Variants in SLC9A7 observed in about 807,000 individuals in gnomAD.
SLC9A7 encodes the protein solute carrier family 9 member A7.
In SLC9A7, 19 loss-of-function variants were observed where a neutral mutation model predicts 52.6. The observed-to-expected ratio is 0.36, with a 90% CI of 0.25 to 0.53. The LOEUF is 0.53. Ranked by LOEUF, SLC9A7 falls within the 20% of genes least tolerant of loss-of-function variation. The pLI is 0.91. For missense variants in SLC9A7, 455 were observed against 597.9 expected, an observed-to-expected ratio of 0.76 and a Z score of 2.49; for synonymous variants, 226 against 252.1, an observed-to-expected ratio of 0.90 and a Z score of 0.98.
rs1943811073 is a variant in SLC9A7 at position 46,661,136 on chromosome X, G to A, written c.1041+880C>T. ...CTATCGCAAGAACAAAAAACCAAAC[G>A]CTGCATATTCTCACTCATAGGTGGG... On this transcript the variant is annotated intron_variant, in intron 7 of 16. Transcript: ENST00000616978. Among the ~76,000 whole-genome samples, 8 of 106,906 alleles carry A rather than the reference G, an allele frequency of 7.5e-5. No individual in the cohort carries two copies. The South Asian group carries it at 2.9e-3, about 38-fold the overall frequency. The allele number at this position is 106,906 out of a possible 115,157, so 92.8% of individuals were successfully genotyped here.
At chrX:46,682,679 C>G in intron 1 of SLC9A7, 144 bp from the exon 2 acceptor site, 1 of 522,467 alleles carries the variant, frequency 1.9e-6, no homozygotes, top group Non-Finnish European at 3.2e-6. Flanking sequence ...GGAGAAACTG[C>G]ATGGGCCTTC....
At chrX:46,751,540 G>A (rs1325337458) in intron 1 of SLC9A7, among the ~76,000 whole-genome samples, 1 of 111,822 alleles carries the variant, frequency 8.9e-6, no homozygotes, top group Non-Finnish European at 1.9e-5. Context: ...AGGTGCAGCA[G>A]CTCATGCCTG....
At chrX:46,677,674 GA>G (rs1450603025) in intron 3 of SLC9A7, among the ~76,000 whole-genome samples, 1 of 112,315 alleles carries the variant, frequency 8.9e-6, no homozygotes, top group African/African-American at 3.2e-5. Context: ...AAAATCATCT[GA>G]AAAGTGCAGA....
At chrX:46,693,894 A>G (rs1232898550) in intron 1 of SLC9A7, among the ~76,000 whole-genome samples, 1 of 110,687 alleles carries the variant, frequency 9.0e-6, no homozygotes, top group African/African-American at 3.3e-5. Context: ...CTACAAAAAA[A>G]TTGCAACGTG....
intron 14 of SLC9A7, among the ~76,000 whole-genome samples, chrX:46,628,252 G>T (rs4581174): frequency 2.2e-3 from 252 of 112,749 alleles, no homozygotes; most frequent in Middle Eastern, 9.2e-3. Flanking sequence ...CAGCTGTCTG[G>T]TCTGGCATGA....
intron 1 of SLC9A7, among the ~76,000 whole-genome samples, chrX:46,711,113 G>T (rs1202316071): frequency 8.9e-6 from 1 of 112,565 alleles, no homozygotes; most frequent in African/African-American, 3.2e-5. Context: ...CCCCTGTTGG[G>T]GCCTCTTGCA....
chrX:46,718,559 GC>G (rs1229514734), intron 1 of SLC9A7, among the ~76,000 whole-genome samples: 1 of 112,092 alleles, frequency 8.9e-6, no homozygotes, highest in Admixed American at 9.4e-5. Context: ...CTGACAAAGG[GC>G]TAATATCCAG....
At chrX:46,704,036 A>C (rs1346076929) in intron 1 of SLC9A7, among the ~76,000 whole-genome samples, 1 of 111,549 alleles carries the variant, frequency 9.0e-6, no homozygotes, top group Non-Finnish European at 1.9e-5. Context: ...TAAATACTAA[A>C]GTAAGCCATG....
intron 14 of SLC9A7, among the ~76,000 whole-genome samples, chrX:46,626,624 G>C (rs1943134440): frequency 8.9e-6 from 1 of 112,618 alleles, no homozygotes. Flanking sequence ...CTCATCTCAA[G>C]TTGTGATCCT....
At position 46,604,021 on chromosome X, in the gene SLC9A7, ATC is replaced by A. The variant is rs1287654419; in HGVS notation, c.*2929_*2930del. 8.9e-6 allele frequency: 1 copy of A among 112,436 alleles called. No homozygotes were observed. The highest frequency in any genetic ancestry group is 3.2e-5 in the African/African-American group (1 of 30,945). 9.3% of individuals were successfully genotyped at this position (112,436 alleles called of 1,213,427 possible). On this transcript the variant is annotated 3_prime_UTR_variant, in exon 17 of 17. Coordinates refer to ENST00000616978, the MANE Select transcript of SLC9A7 (RefSeq NM_001257291.2). ...AAAGACCCAAGCAGCCTATCTCTCCATCTCTGCAAAACAAAAACAAAAATGAA... is the reference window on the plus strand; with the variant it reads ...AAAGACCCAAGCAGCCTATCTCTCCATCTGCAAAACAAAAACAAAAATGAA...
At chrX:46,719,132 C>T (rs1245777327) in intron 1 of SLC9A7, among the ~76,000 whole-genome samples, 1 of 110,780 alleles carries the variant, frequency 9.0e-6, no homozygotes, top group Non-Finnish European at 1.9e-5. Context: ...GGATGAGTTC[C>T]TATCCTTTGT....
chrX:46,753,843 G>A (rs1556289961), intron 1 of SLC9A7, among the ~76,000 whole-genome samples: 3 of 109,857 alleles, frequency 2.7e-5, no homozygotes, highest in Admixed American at 1.9e-4. Context: ...GGAATTAGCC[G>A]GGCATGGTGG....
At chrX:46,607,628 A>G (rs1392161481) in intron 16 of SLC9A7, among the ~76,000 whole-genome samples, 1 of 111,039 alleles carries the variant, frequency 9.0e-6, no homozygotes, top group African/African-American at 3.3e-5. Context: ...CGTCTTGTTT[A>G]CATTGGAACT....
intron 1 of SLC9A7, among the ~76,000 whole-genome samples, chrX:46,730,634 TG>T (rs1171034271): frequency 2.7e-4 from 23 of 84,521 alleles, no homozygotes; most frequent in Non-Finnish European, 4.8e-4. Flanking sequence ...CACTCCAGCC[TG>T]GGCAACAGAG....
intron 1 of SLC9A7, among the ~76,000 whole-genome samples, chrX:46,726,238 A>G (rs1257861112): frequency 9.0e-6 from 1 of 111,350 alleles, no homozygotes; most frequent in Non-Finnish European, 1.9e-5. Flanking sequence ...TGGGTAACAG[A>G]GCAAGACCCT....
chrX:46,632,817 CT>C (rs1789198830), intron 13 of SLC9A7, among the ~76,000 whole-genome samples: 1 of 111,375 alleles, frequency 9.0e-6, no homozygotes, highest in South Asian at 3.8e-4. Flanking sequence ...CCTGGTGCCC[CT>C]ATACCCTCTT....
chrX:46,738,103 GAA>G (rs1921009073), intron 1 of SLC9A7, among the ~76,000 whole-genome samples: 2 of 46,587 alleles, frequency 4.3e-5, no homozygotes, highest in Admixed American at 2.4e-4. Flanking sequence ...AAGAAAGAAA[GAA>G]AGAGAAAAGA....
intron 1 of SLC9A7, among the ~76,000 whole-genome samples, chrX:46,717,567 A>G (rs926826843): frequency 9.0e-6 from 1 of 110,971 alleles, no homozygotes; most frequent in South Asian, 3.9e-4. Flanking sequence ...TTTAGTAGAG[A>G]TGGGGCTTCA....
At chrX:46,672,423 G>C (rs1944039460) in intron 4 of SLC9A7, 128 bp downstream of exon 4, 1 of 461,196 alleles carries the variant, frequency 2.2e-6, no homozygotes. Flanking sequence ...CTACCATACT[G>C]AACGGTGTAA....
Sources: allele counts gnomAD v4.1 joint callset (sites outside exome capture counted in the v4.1 genomes callset), GRCh38; gene constraint gnomAD v4.1.1; transcripts MANE v1.5; gene names NCBI Gene and HGNC (gene_info 2026-07-23, HGNC 2026-07-21).